Variants in LYPLAL1 observed in about 807,000 individuals in gnomAD.
LYPLAL1 encodes lysophospholipase like 1.
A neutral mutation model predicts 19.7 loss-of-function variants in LYPLAL1; 23 were observed. The ratio of observed to expected loss-of-function variants is 1.17; its 90% CI spans 0.84 to 1.65. The LOEUF (loss-of-function observed/expected upper bound fraction) is 1.65, where lower values mean the gene tolerates loss of function less well. LYPLAL1 is among the 40% of genes most tolerant of loss of function. LYPLAL1 has a pLI of 0.00. For missense variants in LYPLAL1, 355 were observed against 279.4 expected (o/e 1.27, Z -1.93); for synonymous variants, 119 against 96.3 (o/e 1.24, Z -1.38).
the LYPLAL1 span, among the ~76,000 whole-genome samples, chr1:219,439,648 A>G: frequency 2.0e-5 from 3 of 152,134 alleles, no homozygotes; most frequent in Non-Finnish European, 2.9e-5. Context: ...AATAGTGGCT[A>G]TTTCATAAGT....
rs1657180934 is a variant in LYPLAL1 at position 219,191,507 on chromosome 1, CAGAT to C, written c.192-1571_192-1568del. On this transcript the variant is annotated intron_variant, in intron 2 of 4. Transcript: ENST00000366928. ...AAAAGCATGATGCACATAATAGAAT[CAGAT>C]AGACTACTTTATTTTTGAAAAGAAA... Among the ~76,000 whole-genome samples the C allele has an allele frequency of 2.6e-5, 4 of 151,528 alleles. No individual in the cohort carries two copies. In the South Asian group the frequency reaches 8.3e-4, roughly 31 times the overall value.
At chr1:219,205,214 G>A (rs1038081221) in intron 3 of LYPLAL1, among the ~76,000 whole-genome samples, 22 of 151,106 alleles carry the variant, frequency 1.5e-4, no homozygotes, top group Non-Finnish European at 2.5e-4. Flanking sequence ...AAAATTAGCC[G>A]GGCGCGGTGG....
chr1:219,199,892 A>C, intron 3 of LYPLAL1: 1 of 226,420 alleles, frequency 4.4e-6, no homozygotes, highest in Non-Finnish European at 9.3e-6. Context: ...CTGAAGGAAA[A>C]TAGCAAATTT....
At chr1:219,428,725 C>T in the LYPLAL1 span, among the ~76,000 whole-genome samples, 198 of 152,346 alleles carry the variant, frequency 1.3e-3, no homozygotes, top group Non-Finnish European at 2.2e-3. Flanking sequence ...CATCCCCCTT[C>T]CACACACAAG....
intron 2 of LYPLAL1, among the ~76,000 whole-genome samples, chr1:219,187,432 T>C (rs920078776): frequency 2.0e-5 from 3 of 151,688 alleles, no homozygotes; most frequent in African/African-American, 7.2e-5. Context: ...TTGGACTCTT[T>C]AAATGAAGTG....
the LYPLAL1 span, among the ~76,000 whole-genome samples, chr1:219,350,850 A>T: frequency 1.3e-5 from 2 of 152,204 alleles, no homozygotes; most frequent in Non-Finnish European, 2.9e-5. Flanking sequence ...TCTGTAGCTC[A>T]GCTAAGTGGG....
chr1:219,405,444 T>C, the LYPLAL1 span, among the ~76,000 whole-genome samples: 2 of 152,188 alleles, frequency 1.3e-5, no homozygotes, highest in Non-Finnish European at 2.9e-5. Flanking sequence ...AATAGATGTT[T>C]CCCTTGAAAG....
chr1:219,339,831 G>A, the LYPLAL1 span, among the ~76,000 whole-genome samples: 2 of 151,926 alleles, frequency 1.3e-5, no homozygotes, highest in Non-Finnish European at 2.9e-5. Flanking sequence ...AAAAACACTT[G>A]GCTTTTCTGA....
the LYPLAL1 span, among the ~76,000 whole-genome samples, chr1:219,389,605 C>T: frequency 2.0e-5 from 3 of 152,146 alleles, no homozygotes; most frequent in African/African-American, 7.2e-5. Context: ...TCAGAATAAC[C>T]CTTATGCTAA....
the LYPLAL1 span, among the ~76,000 whole-genome samples, chr1:219,402,196 A>G: frequency 6.6e-6 from 1 of 152,194 alleles, no homozygotes; most frequent in Non-Finnish European, 1.5e-5. Flanking sequence ...TCTGTTTGGA[A>G]AATATGAAAT....
chr1:219,287,700 T>C, the LYPLAL1 span, among the ~76,000 whole-genome samples: 1 of 152,140 alleles, frequency 6.6e-6, no homozygotes, highest in African/African-American at 2.4e-5. Flanking sequence ...ACTAAACATA[T>C]TCCTTACCAT....
chr1:219,303,261 C>T, the LYPLAL1 span, among the ~76,000 whole-genome samples: 1 of 152,186 alleles, frequency 6.6e-6, no homozygotes, highest in Non-Finnish European at 1.5e-5. Context: ...GATCTAGTTA[C>T]TCAAGACATA....
chr1:219,385,495 C>G, the LYPLAL1 span, among the ~76,000 whole-genome samples: 1 of 152,006 alleles, frequency 6.6e-6, no homozygotes, highest in African/African-American at 2.4e-5. Context: ...CAGTGTTCCA[C>G]TGTTATAGCA....
At position 219,173,959 on chromosome 1, in the gene LYPLAL1, T is replaced by A. The variant is rs776192937; in HGVS notation, c.69T>A (p.Ser23=). The A allele has an allele frequency of 1.9e-6, 3 of 1,614,092 alleles. No homozygotes were observed. In the East Asian group the frequency reaches 6.7e-5, roughly 36 times the overall value. Residue 23 remains serine, a synonymous_variant, in exon 1 of 5, where the codon TCT becomes TCA. Transcript: ENST00000366928. The stretch of plus-strand genomic sequence containing the variant: ...CGCCGGCAGGGAGGCATAGCGCCTC[T>A]CTGATCTTCCTGCATGGCTCAGGTG... ...IVSPAGRHSA[S]LIFLHGSGDS...
the LYPLAL1 span, among the ~76,000 whole-genome samples, chr1:219,358,864 G>A: frequency 2.2e-4 from 34 of 152,028 alleles, no homozygotes; most frequent in South Asian, 6.9e-3. Flanking sequence ...GGTCATCTGG[G>A]CCATCCTATT....
At chr1:219,222,669 G>GT in the LYPLAL1 span, 1 of 152,050 alleles carries the variant, frequency 6.6e-6, no homozygotes, top group East Asian at 1.9e-4. Context: ...TAAAAGGACT[G>GT]TAAGTTTCCC....
intron 1 of LYPLAL1, chr1:219,174,899 G>GT: frequency 1.0e-6 from 1 of 985,456 alleles, no homozygotes; most frequent in Non-Finnish European, 1.2e-6. Context: ...TCACAAGACG[G>GT]TGCATGGTTT....
the LYPLAL1 span, among the ~76,000 whole-genome samples, chr1:219,339,031 A>G: frequency 6.6e-6 from 1 of 151,990 alleles, no homozygotes; most frequent in Non-Finnish European, 1.5e-5. Context: ...CTCACCCTAT[A>G]TTAGGGTCAG....
chr1:219,182,759 C>G (rs1380216032), intron 2 of LYPLAL1, among the ~76,000 whole-genome samples: 1 of 151,912 alleles, frequency 6.6e-6, no homozygotes, highest in Non-Finnish European at 1.5e-5. Context: ...ATTTCATTGA[C>G]TATGTTATTC....
Sources: allele counts gnomAD v4.1 joint callset (sites outside exome capture counted in the v4.1 genomes callset), GRCh38; gene constraint gnomAD v4.1.1; transcripts MANE v1.5; gene names NCBI Gene and HGNC (gene_info 2026-07-23, HGNC 2026-07-21).